Variants in PCMTD1 observed in about 807,000 individuals in gnomAD.
PCMTD1 encodes the protein protein-L-isoaspartate (D-aspartate) O-methyltransferase domain containing 1.
A neutral mutation model predicts 37.6 loss-of-function variants in PCMTD1; 12 were observed. The observed-to-expected ratio is 0.32, with a 90% CI of 0.20 to 0.52. The LOEUF (loss-of-function observed/expected upper bound fraction) is 0.52. Ranked by LOEUF, PCMTD1 falls within the 20% of genes least tolerant of loss-of-function variation. The pLI is 0.97. For synonymous variants in PCMTD1, 117 were observed against 135.8 expected, an observed-to-expected ratio of 0.86 and a Z score of 0.96; for missense variants, 235 against 421.3, an observed-to-expected ratio of 0.56 and a Z score of 3.87.
chr8:51,820,965 TA>T (rs2037839521), intron 5 of PCMTD1, among the ~76,000 whole-genome samples: 1 of 152,198 alleles, frequency 6.6e-6, no homozygotes, highest in African/African-American at 2.4e-5. Flanking sequence ...TTTACATGCA[TA>T]AAAGTTCTCT....
intron 1 of PCMTD1, among the ~76,000 whole-genome samples, chr8:51,882,584 C>T (rs576749197): frequency 4.3e-4 from 66 of 152,248 alleles, no homozygotes; most frequent in African/African-American, 1.5e-3. Context: ...TTACTTCTGA[C>T]ACTTAGTTGA....
Position 51,831,577 on chromosome 8 carries a change from G to GA in PCMTD1, c.583-11dup, listed in dbSNP as rs749481507. ...GCATAATCTGTGTTAACTATTTAGA[G>GA]AAAAAAAAGAAAGAAAGTGAACAAC... On this transcript the variant is annotated splice_polypyrimidine_tract_variant and intron_variant, in intron 4 of 5. Transcript: ENST00000522514. 3.8e-5 allele frequency: 60 copies of GA among 1,592,426 alleles called. No individual in the cohort carries two copies. The highest frequency in any genetic ancestry group is 3.4e-4 in the Middle Eastern group (2 of 5,970).
chr8:51,872,825 A>G (rs766291370), intron 1 of PCMTD1, among the ~76,000 whole-genome samples: 2 of 152,198 alleles, frequency 1.3e-5, no homozygotes, highest in Non-Finnish European at 2.9e-5. Flanking sequence ...CTCTTTCCAT[A>G]TATTAATGTA....
At chr8:51,847,491 G>A (rs747427494) in intron 2 of PCMTD1, among the ~76,000 whole-genome samples, 88 of 152,032 alleles carry the variant, frequency 5.8e-4, no homozygotes, top group Non-Finnish European at 1.1e-3. Flanking sequence ...GTCAGGTGTG[G>A]TGGTGCACAC....
chr8:51,855,042 C>G (rs2038362956), intron 2 of PCMTD1, among the ~76,000 whole-genome samples: 1 of 151,416 alleles, frequency 6.6e-6, no homozygotes, highest in Non-Finnish European at 1.5e-5. Flanking sequence ...GGCGTGGTGG[C>G]ACATGCCTGT....
intron 1 of PCMTD1, among the ~76,000 whole-genome samples, chr8:51,889,642 T>C (rs1431309737): frequency 6.6e-6 from 1 of 152,222 alleles, no homozygotes; most frequent in African/African-American, 2.4e-5. Flanking sequence ...TAACAATACT[T>C]TCCTACCTCT....
intron 3 of PCMTD1, among the ~76,000 whole-genome samples, chr8:51,843,598 C>G (rs80270869): frequency 4.8e-5 from 7 of 146,532 alleles, no homozygotes; most frequent in African/African-American, 1.6e-4. Context: ...TTTACAATAA[C>G]AAAAAAAAAA....
Position 51,818,128 on chromosome 8 carries a change from T to C in PCMTD1, c.*2223A>G. The C allele has an allele frequency of 2.8e-6, 1 of 351,910 alleles. No homozygotes were observed. Among genetic ancestry groups the C allele is most frequent in the Non-Finnish European group, 5.5e-6 (1 of 181,686 alleles). 21.8% of individuals were successfully genotyped at this position (351,910 alleles called of 1,614,324 possible). A position where few individuals can be genotyped will look rare whatever the true frequency, so the allele number is the denominator to read the frequency against. On this transcript the variant is annotated 3_prime_UTR_variant, in exon 6 of 6. Coordinates refer to ENST00000522514, the MANE Select transcript of PCMTD1 (RefSeq NM_052937.4). ...CAAACCCAAAATATTCTTATTCTAA[T>C]ATATCTGCATTAATAGATAAAAAGG...
At chr8:51,824,545 G>A (rs570099619) in intron 5 of PCMTD1, among the ~76,000 whole-genome samples, 1 of 152,310 alleles carries the variant, frequency 6.6e-6, no homozygotes, top group Non-Finnish European at 1.5e-5. Context: ...GGAAATAAGA[G>A]AGGGCACAAA....
At chr8:51,892,907 G>A (rs188887996) in intron 1 of PCMTD1, among the ~76,000 whole-genome samples, 14 of 152,240 alleles carry the variant, frequency 9.2e-5, no homozygotes, top group Admixed American at 2.6e-4. Context: ...CCATCCCAGG[G>A]GGGAAAATGG....
At chr8:51,830,043 C>A (rs1035111270) in intron 5 of PCMTD1, among the ~76,000 whole-genome samples, 95 of 152,096 alleles carry the variant, frequency 6.2e-4, no homozygotes, top group African/African-American at 2.3e-3. Context: ...CTCTCATTTG[C>A]CCCATTAGGT....
At chr8:51,850,242 A>G (rs2038285388) in intron 2 of PCMTD1, among the ~76,000 whole-genome samples, 1 of 152,114 alleles carries the variant, frequency 6.6e-6, no homozygotes, top group Non-Finnish European at 1.5e-5. Context: ...ATTATGTAAA[A>G]CTTTGCACAC....
intron 2 of PCMTD1, among the ~76,000 whole-genome samples, chr8:51,859,458 T>C (rs2038440061): frequency 6.6e-6 from 1 of 152,150 alleles, no homozygotes; most frequent in Admixed American, 6.5e-5. Context: ...AATTAATAAT[T>C]TCCTATCACT....
intron 5 of PCMTD1, chr8:51,827,428 G>T: frequency 2.0e-6 from 1 of 507,172 alleles, no homozygotes; most frequent in Non-Finnish European, 3.6e-6. Flanking sequence ...GAGCTGTTCT[G>T]AGTAGTGTAG....
chr8:51,878,469 C>T (rs2038746722), intron 1 of PCMTD1, among the ~76,000 whole-genome samples: 1 of 152,110 alleles, frequency 6.6e-6, no homozygotes, highest in African/African-American at 2.4e-5. Flanking sequence ...AGTTAAAATG[C>T]AAGCAAGATC....
chr8:51,898,378 CA>C (rs997087443), intron 1 of PCMTD1, among the ~76,000 whole-genome samples: 55 of 152,212 alleles, frequency 3.6e-4, no homozygotes, highest in African/African-American at 1.3e-3. Context: ...CTCAAAAACA[CA>C]AAAAGAGGCC....
At chr8:51,850,408 G>T (rs992642045) in intron 2 of PCMTD1, among the ~76,000 whole-genome samples, 5 of 152,190 alleles carry the variant, frequency 3.3e-5, no homozygotes, top group African/African-American at 1.2e-4. Flanking sequence ...TTTAAAAGTA[G>T]ATTAAATTTA....
intron 2 of PCMTD1, 129 bp from the exon 3 acceptor site, chr8:51,845,892 A>C: frequency 3.5e-6 from 2 of 574,204 alleles, no homozygotes; most frequent in Non-Finnish European, 6.0e-6. Flanking sequence ...AATACTTCCT[A>C]GCCTCAGACT....
intron 2 of PCMTD1, among the ~76,000 whole-genome samples, chr8:51,852,722 T>C (rs1194323850): frequency 1.3e-5 from 2 of 152,178 alleles, no homozygotes; most frequent in Admixed American, 1.3e-4. Flanking sequence ...TTTTCAGCCC[T>C]GTGATTATGT....
Sources: gnomAD v4.1 joint callset for allele counts (sites outside exome capture counted in the v4.1 genomes callset) on GRCh38, gnomAD v4.1.1 for gene constraint, MANE v1.5 for transcripts, NCBI Gene and HGNC (gene_info 2026-07-23, HGNC 2026-07-21) for gene names.